Variants in CXCR5 observed in about 807,000 individuals in gnomAD.
CXCR5 encodes the protein C-X-C chemokine receptor type 5.
A neutral mutation model predicts 5.6 loss-of-function variants in CXCR5; 3 were observed. That is an observed-to-expected ratio of 0.54 (90% CI 0.24 to 1.39). CXCR5 has a LOEUF of 1.39. CXCR5 is among the 40% of genes most tolerant of loss of function. CXCR5 has a pLI of 0.16. For synonymous variants in CXCR5, 218 were observed against 219.9 expected (o/e 0.99, Z 0.08); for missense variants, 333 against 494.6 (o/e 0.67, Z 3.10).
chr11:118,892,363 G>T (rs558973673), intron 1 of CXCR5, among the ~76,000 whole-genome samples: 1 of 152,284 alleles, frequency 6.6e-6, no homozygotes, highest in East Asian at 1.9e-4. Flanking sequence ...CCTTGTGGGG[G>T]TGCCTTGCTC....
rs571536700 is a variant in CXCR5 at position 118,886,569 on chromosome 11, C to T, written c.51+2577C>T. 1.1e-5 allele frequency: 4 copies of T among 360,456 alleles called. No homozygotes were observed. In the Admixed American group the frequency reaches 1.5e-4, roughly 14 times the overall value. 22.3% of individuals were successfully genotyped at this position (360,456 alleles called of 1,614,324 possible). Reference sequence around the variant, plus strand: ...GCTAAGAACCAGGAACAAGAAGATTCCAGGTCCTGGGGTGGGTATGCCAGG... The same window carrying T: ...GCTAAGAACCAGGAACAAGAAGATTTCAGGTCCTGGGGTGGGTATGCCAGG... On this transcript the variant is annotated intron_variant, in intron 1 of 1. Transcript: ENST00000292174.
intron 1 of CXCR5, among the ~76,000 whole-genome samples, chr11:118,889,196 C>T (rs118020807): frequency 6.6e-6 from 1 of 152,234 alleles, no homozygotes; most frequent in Non-Finnish European, 1.5e-5. Flanking sequence ...ATTCTAGCTC[C>T]ACTCTCAGCC....
chr11:118,889,409 A>G (rs148994474), intron 1 of CXCR5, among the ~76,000 whole-genome samples: 2 of 152,368 alleles, frequency 1.3e-5, no homozygotes, highest in East Asian at 3.9e-4. Context: ...ATGTCAAAGA[A>G]TGGGCACACC....
rs1166711719 is a variant in CXCR5, at chr11:118,893,846, T to C, written c.302T>C (p.Val101Ala). 3.7e-6 allele frequency: 6 copies of C among 1,614,060 alleles called. No individual in the cohort carries two copies. Among genetic ancestry groups the C allele is most frequent in the Non-Finnish European group, 5.1e-6 (6 of 1,180,002 alleles). The change falls in exon 2 of 2, where the codon GTC becomes GCC. Residue 101 changes from valine (V) to alanine (A), a missense_variant. Transcript: ENST00000292174. This position sits in a 1 kb window ranked among gnomAD's most constrained non-coding sequence, Gnocchi z 5.7. Reference sequence around the variant, plus strand: ...CTGGCCGTGGCCGACCTCCTGCTGGTCTTCATCTTGCCCTTTGCCGTGGCC... The same window carrying C: ...CTGGCCGTGGCCGACCTCCTGCTGGCCTTCATCTTGCCCTTTGCCGTGGCC... ...FHLAVADLLL[V>A]FILPFAVAEG...
intron 1 of CXCR5, chr11:118,886,391 AG>A (rs1488521792): frequency 2.3e-6 from 1 of 426,192 alleles, no homozygotes; most frequent in East Asian, 7.3e-5. Context: ...GCCATAAGCC[AG>A]GTTCGTCATT....
At position 118,897,143 on chromosome 11, in the gene CXCR5, G is replaced by A. The variant is rs1280264256; in HGVS notation, c.*2480G>A. The A allele has an allele frequency of 2.6e-5, 4 of 153,432 alleles. No homozygotes were observed. The highest frequency in any genetic ancestry group is 5.8e-5 in the Non-Finnish European group (4 of 68,618). 9.5% of individuals were successfully genotyped at this position (153,432 alleles called of 1,614,324 possible). A position where few individuals can be genotyped will look rare whatever the true frequency, so the allele number is the denominator to read the frequency against. ...TCCCCGATTCCATCCTCAGGGAGTG[G>A]AGACTGGAGGGGAGGTGCACTGACT... On this transcript the variant is annotated 3_prime_UTR_variant, in exon 2 of 2. Coordinates refer to ENST00000292174, the MANE Select transcript of CXCR5 (RefSeq NM_001716.5).
At chr11:118,891,509 A>G (rs543824) in intron 1 of CXCR5, among the ~76,000 whole-genome samples, 35,367 of 151,968 alleles carry the variant, frequency 0.23, 4,558 homozygotes, top group Admixed American at 0.39. Context: ...CCAGACTCCA[A>G]TCAATCTTCT....
chr11:118,890,152 T>C (rs760602319), intron 1 of CXCR5, among the ~76,000 whole-genome samples: 1 of 152,146 alleles, frequency 6.6e-6, no homozygotes, highest in African/African-American at 2.4e-5. Flanking sequence ...CAAGATAGGA[T>C]CTAGGATCAA....
At position 118,894,367 on chromosome 11, in the gene CXCR5, TACCAC is replaced by T; in HGVS notation, c.825_829del (p.His276ArgfsTer31). 1 of 1,614,190 alleles carries T rather than the reference TACCAC, an allele frequency of 6.2e-7. No individual in the cohort carries two copies. The highest frequency in any genetic ancestry group is 8.5e-7 in the Non-Finnish European group (1 of 1,180,020). ...CATCTTCTTCCTCTGCTGGTCACCC[TACCAC>T]ATCGTCATCTTCCTGGACACCCTGG... is the stretch of plus-strand genomic sequence containing the variant. On this transcript the variant is annotated frameshift_variant, in exon 2 of 2. Coordinates refer to ENST00000292174, the MANE Select transcript of CXCR5 (RefSeq NM_001716.5). LOFTEE classifies it low-confidence loss of function (END_TRUNC). The surrounding 1 kb of genome is among the most constrained non-coding windows in gnomAD (Gnocchi z 6.1).
Position 118,893,447 on chromosome 11 carries a change from A to G in CXCR5, c.52-149A>G. ...GCGAAAAACTGAAGTTGGAAAAGAC[A>G]AAGTGATTTGTTCAAAATTGAAATT... On this transcript the variant is annotated intron_variant, in intron 1 of 1. Coordinates refer to ENST00000292174, the MANE Select transcript of CXCR5 (RefSeq NM_001716.5). This position sits in a 1 kb window ranked among gnomAD's most constrained non-coding sequence, Gnocchi z 5.7. 1 of 1,415,698 alleles carries G rather than the reference A, an allele frequency of 7.1e-7. No individual in the cohort carries two copies. The highest frequency in any genetic ancestry group is 1.7e-5 in the South Asian group (1 of 58,730). The allele number at this position is 1,415,698 out of a possible 1,614,324, so 87.7% of individuals were successfully genotyped here.
chr11:118,890,747 C>G (rs1054518938), intron 1 of CXCR5, among the ~76,000 whole-genome samples: 5 of 152,164 alleles, frequency 3.3e-5, no homozygotes, highest in Admixed American at 6.5e-5. Context: ...GAAAGTAGAA[C>G]CATTTTCTTC....
chr11:118,886,229 C>T, intron 1 of CXCR5: 4 of 413,370 alleles, frequency 9.7e-6, no homozygotes, highest in South Asian at 7.0e-5. Flanking sequence ...CCTTCTGCTT[C>T]CTATTCTCCT....
intron 1 of CXCR5, among the ~76,000 whole-genome samples, chr11:118,887,910 G>A (rs989968803): frequency 2.6e-5 from 4 of 152,222 alleles, no homozygotes; most frequent in African/African-American, 4.8e-5. Flanking sequence ...GCATGACTCA[G>A]GCCTTGGAGT....
chr11:118,884,230 G>A (rs1018061373), intron 1 of CXCR5, among the ~76,000 whole-genome samples: 9 of 152,160 alleles, frequency 5.9e-5, no homozygotes, highest in East Asian at 1.9e-4. Context: ...TGGAAGACAC[G>A]GGTTCAGGCC....
At position 118,897,252 on chromosome 11, in the gene CXCR5, C is replaced by G. The variant is rs1939952798; in HGVS notation, c.*2589C>G. 6.3e-6 allele frequency: 1 copy of G among 158,978 alleles called. No homozygotes were observed. Among genetic ancestry groups the G allele is most frequent in the Non-Finnish European group, 1.4e-5 (1 of 71,626 alleles). The allele number at this position is 158,978 out of a possible 1,614,324, so 9.8% of individuals were successfully genotyped here. On this transcript the variant is annotated 3_prime_UTR_variant, in exon 2 of 2. Transcript: ENST00000292174. ...AGTCAGGGCCCTGGAGGTTACCTGG[C>G]CCAGGGCTACTACAGCCACAGGCCC...
In CXCR5 at chr11:118,887,163, C is replaced by T. The variant is rs144594581; in HGVS notation, c.51+3171C>T. ...TCGGGCATACAAACTGCAGAGTCTC[C>T]GTCAGGAACTCTTGCTTTCCCCAGG... On this transcript the variant is annotated intron_variant, in intron 1 of 1. Transcript: ENST00000292174. The T allele has an allele frequency of 1.1e-4, 96 of 847,450 alleles. No individual in the cohort carries two copies. The African/African-American group carries it at 1.7e-3, about 15-fold the overall frequency. 52.5% of individuals were successfully genotyped at this position (847,450 alleles called of 1,614,324 possible).
rs767216468 is a variant in CXCR5, at chr11:118,883,900, A to AT, written c.-41dup. 1.2e-6 allele frequency: 2 copies of AT among 1,600,246 alleles called. No homozygotes were observed. Among genetic ancestry groups the AT allele is most frequent in the Non-Finnish European group, 1.7e-6 (2 of 1,172,244 alleles). ...GGCACCTGGCGGGGAGCCTCTCAACATAAGACAGTGACCAGTCTGGTGACT... is the reference window on the plus strand; with the variant it reads ...GGCACCTGGCGGGGAGCCTCTCAACATTAAGACAGTGACCAGTCTGGTGACT... On this transcript the variant is annotated 5_prime_UTR_variant, in exon 1 of 2. Transcript: ENST00000292174.
chr11:118,895,780 G>C lies in CXCR5; in HGVS notation c.*1117G>C, dbSNP rs757595321. ...CAGGGAAGTCCCCAGGCCCCAGGAA[G>C]CCGTGCCCTGCCCCCGTGAGGATGT... On this transcript the variant is annotated 3_prime_UTR_variant, in exon 2 of 2. Coordinates refer to ENST00000292174, the MANE Select transcript of CXCR5 (RefSeq NM_001716.5). This position sits in a 1 kb window ranked among gnomAD's most constrained non-coding sequence, Gnocchi z 4.2. 6.0e-6 allele frequency: 1 copy of C among 167,316 alleles called. No homozygotes were observed. The highest frequency in any genetic ancestry group is 1.5e-5 in the Non-Finnish European group (1 of 68,330). The allele number at this position is 167,316 out of a possible 1,614,324, so 10.4% of individuals were successfully genotyped here. A position where few individuals can be genotyped will look rare whatever the true frequency, so the allele number is the denominator to read the frequency against.
intron 1 of CXCR5, among the ~76,000 whole-genome samples, chr11:118,888,396 C>T (rs1020174402): frequency 2.0e-5 from 3 of 152,154 alleles, no homozygotes; most frequent in Non-Finnish European, 4.4e-5. Flanking sequence ...TTGACATCAG[C>T]CCTCAGGGAC....
Sources: gnomAD v4.1 joint callset for allele counts (sites outside exome capture counted in the v4.1 genomes callset) on GRCh38, gnomAD v4.1.1 for gene constraint, Gnocchi (gnomAD v3.1) non-coding constraint, MANE v1.5 for transcripts, NCBI Gene and HGNC (gene_info 2026-07-23, HGNC 2026-07-21) for gene names.